The following DOCK4 variants were observed in gnomAD, a reference collection of about 807,000 sequenced individuals.
DOCK4 encodes dedicator of cytokinesis protein 4.
DOCK4 carries 97 observed loss-of-function variants against 268.1 expected under a neutral mutation model. The ratio of observed to expected loss-of-function variants is 0.36; its 90% CI spans 0.31 to 0.43. The LOEUF is 0.43. DOCK4 is among the 20% of genes least tolerant of loss of function. DOCK4 has a pLI of 1.00. For missense variants in DOCK4, 2,145 were observed against 2,455.7 expected (o/e 0.87, Z 2.67); for synonymous variants, 954 against 887.2 (o/e 1.08, Z -1.34).
intron 1 of DOCK4, among the ~76,000 whole-genome samples, chr7:112,102,522 G>A (rs1371513486): frequency 2.0e-5 from 3 of 152,110 alleles, no homozygotes; most frequent in South Asian, 4.2e-4. Context: ...TTTGGGAGGC[G>A]ATTAGGCTGT....
At chr7:111,802,080 C>A (rs1800342396) in intron 30 of DOCK4, among the ~76,000 whole-genome samples, 2 of 152,144 alleles carry the variant, frequency 1.3e-5, no homozygotes, top group Admixed American at 6.6e-5. Flanking sequence ...ATTCTATCAA[C>A]ACATACAATT....
chr7:112,150,206 C>A (rs780780509), intron 1 of DOCK4, among the ~76,000 whole-genome samples: 1 of 152,110 alleles, frequency 6.6e-6, no homozygotes, highest in Non-Finnish European at 1.5e-5. Flanking sequence ...AAGACCCCAA[C>A]TCTACCTTTC....
chr7:112,193,684 A>G (rs528575445), intron 1 of DOCK4, among the ~76,000 whole-genome samples: 88 of 152,006 alleles, frequency 5.8e-4, no homozygotes, highest in Non-Finnish European at 1.2e-3. Flanking sequence ...TCACAGAGAG[A>G]GCCAACACTA....
chr7:111,730,024 T>A (rs1410681099), intron 52 of DOCK4, among the ~76,000 whole-genome samples: 5 of 152,038 alleles, frequency 3.3e-5, no homozygotes, highest in Non-Finnish European at 7.4e-5. Context: ...ATAGAGATAA[T>A]CTTTAAAAGC....
At chr7:111,736,619 C>T (rs1228961641) in intron 50 of DOCK4, among the ~76,000 whole-genome samples, 1 of 152,130 alleles carries the variant, frequency 6.6e-6, no homozygotes, top group African/African-American at 2.4e-5. Context: ...GCCTAATTGG[C>T]AACTTTGCTT....
intron 1 of DOCK4, among the ~76,000 whole-genome samples, chr7:112,117,322 T>C (rs1298157868): frequency 6.6e-6 from 1 of 152,194 alleles, no homozygotes; most frequent in African/African-American, 2.4e-5. Flanking sequence ...ATTGAACATG[T>C]GTACAACCAT....
chr7:112,189,453 A>G (rs1289435074), intron 1 of DOCK4, among the ~76,000 whole-genome samples: 1 of 152,208 alleles, frequency 6.6e-6, no homozygotes, highest in Non-Finnish European at 1.5e-5. Flanking sequence ...TATGACAAGC[A>G]GATGTATCTG....
chr7:111,742,507 G>C (rs773945655), intron 44 of DOCK4, among the ~76,000 whole-genome samples: 2 of 151,722 alleles, frequency 1.3e-5, no homozygotes, highest in Non-Finnish European at 1.5e-5. Context: ...TCACTGTTAA[G>C]AGGGCCGGCA....
chr7:112,077,672 T>A (rs1310683363), intron 1 of DOCK4, among the ~76,000 whole-genome samples: 1 of 152,096 alleles, frequency 6.6e-6, no homozygotes, highest in African/African-American at 2.4e-5. Context: ...AATATGTGCG[T>A]GTGTGTGTTT....
chr7:112,050,061 A>G (rs1310414501), intron 1 of DOCK4, among the ~76,000 whole-genome samples: 1 of 152,184 alleles, frequency 6.6e-6, no homozygotes, highest in Non-Finnish European at 1.5e-5. Flanking sequence ...AACACCTAGC[A>G]TGATGTCTGA....
chr7:111,848,322 G>T (rs2134099739), intron 23 of DOCK4, among the ~76,000 whole-genome samples: 1 of 152,132 alleles, frequency 6.6e-6, no homozygotes, highest in African/African-American at 2.4e-5. Context: ...GGCCAGTGTT[G>T]TGGCTGTGTA....
At chr7:111,765,258 T>C in intron 38 of DOCK4, 36 bp from the exon 39 acceptor site, 1 of 1,190,782 alleles carries the variant, frequency 8.4e-7, no homozygotes. Context: ...GCATTTTATC[T>C]CATCTTTCGG....
At chr7:112,135,537 A>G (rs1266398517) in intron 1 of DOCK4, among the ~76,000 whole-genome samples, 2 of 152,190 alleles carry the variant, frequency 1.3e-5, no homozygotes, top group Non-Finnish European at 2.9e-5. Context: ...TATTAGCTAT[A>G]TAATCTATCT....
At chr7:112,136,861 C>T (rs1353223877) in intron 1 of DOCK4, among the ~76,000 whole-genome samples, 7 of 152,092 alleles carry the variant, frequency 4.6e-5, no homozygotes, top group African/African-American at 1.4e-4. Flanking sequence ...CAGCACTGTG[C>T]TAGGAGCTTT....
At position 111,727,834 on chromosome 7, in the gene DOCK4, T is replaced by G. The variant is rs1298552283; in HGVS notation, c.*440A>C. The G allele has an allele frequency of 6.5e-6, 1 of 154,636 alleles. No homozygotes were observed. Among genetic ancestry groups the G allele is most frequent in the Non-Finnish European group, 1.4e-5 (1 of 69,820 alleles). 9.6% of individuals were successfully genotyped at this position (154,636 alleles called of 1,614,324 possible). A position where few individuals can be genotyped will look rare whatever the true frequency, so the allele number is the denominator to read the frequency against. On this transcript the variant is annotated 3_prime_UTR_variant, in exon 53 of 53. Coordinates refer to ENST00000428084, the MANE Select transcript of DOCK4 (RefSeq NM_001363540.2). ...TCTGCACTGATAAACCTTGCCTTAT[T>G]TACAGAAGTCTTCTAAAATAAGGAC...
intron 23 of DOCK4, among the ~76,000 whole-genome samples, chr7:111,854,023 C>G (rs1462686378): frequency 6.6e-6 from 1 of 151,878 alleles, no homozygotes. Flanking sequence ...AACCTCCTCA[C>G]AGGTGCAAGT....
rs1192688918 is a variant in DOCK4 at position 111,727,336 on chromosome 7, C to T, written c.*938G>A. 3.3e-5 allele frequency: 5 copies of T among 152,468 alleles called. No homozygotes were observed. The highest frequency in any genetic ancestry group is 6.5e-5 in the Admixed American group (1 of 15,270). 9.4% of individuals were successfully genotyped at this position (152,468 alleles called of 1,614,324 possible). The stretch of plus-strand genomic sequence containing the variant: ...TTTATAAGTCCTTTTGCCATTTAAT[C>T]GTGCTAATACATTTTCACTAAGTTT... On this transcript the variant is annotated 3_prime_UTR_variant, in exon 53 of 53. Coordinates refer to ENST00000428084, the MANE Select transcript of DOCK4 (RefSeq NM_001363540.2).
rs1410289140 is a variant in DOCK4, at chr7:111,769,578, C to T, written c.3779G>A (p.Arg1260His). The change falls in exon 37 of 53, where the codon CGC (arginine) becomes CAC (histidine). Residue 1260 changes from arginine (R) to histidine (H), a missense_variant. Physicochemically the swap from Arg to His is conservative, Grantham distance 29. Around this residue, in one of 2 missense-constraint regions of DOCK4, gnomAD observed 1,598 missense variants for 1,986.7 expected, o/e 0.80. Coordinates refer to ENST00000428084, the MANE Select transcript of DOCK4 (RefSeq NM_001363540.2). Reference sequence around the variant, plus strand: ...GATGGTGAGGTGCAGGTGCTCTTTGCGCTGCCATTCTGTTTGCATGGGGTA... The same window carrying T: ...GATGGTGAGGTGCAGGTGCTCTTTGTGCTGCCATTCTGTTTGCATGGGGTA... ...LTYPMQTEWQ[R>H]KEHLHLTIIQ... The T allele has an allele frequency of 3.1e-6, 5 of 1,613,746 alleles. No homozygotes were observed. Among genetic ancestry groups the T allele is most frequent in the East Asian group, 2.2e-5 (1 of 44,844 alleles).
At chr7:112,159,765 C>T (rs1382758620) in intron 1 of DOCK4, among the ~76,000 whole-genome samples, 1 of 145,516 alleles carries the variant, frequency 6.9e-6, no homozygotes, top group African/African-American at 2.8e-5. Flanking sequence ...CCTCTGTAGC[C>T]AGGATGTAAG....
Sources: allele counts gnomAD v4.1 joint callset (sites outside exome capture counted in the v4.1 genomes callset), GRCh38; gene constraint gnomAD v4.1.1; regional missense constraint gnomAD v4.1.1; transcripts MANE v1.5; gene names NCBI Gene and HGNC (gene_info 2026-07-23, HGNC 2026-07-21).